Variants in SHTN1 observed in about 807,000 individuals in gnomAD.
The protein encoded by SHTN1 is shootin 1.
SHTN1 carries 42 observed loss-of-function variants against 83.1 expected under a neutral mutation model. The observed-to-expected ratio is 0.51, with a 90% CI of 0.39 to 0.65. The LOEUF (loss-of-function observed/expected upper bound fraction) is 0.65, where lower values mean the gene tolerates loss of function less well. Among genes scored for constraint, SHTN1 ranks in the 30% least tolerant of loss-of-function variants. SHTN1 has a pLI of 0.00. For synonymous variants in SHTN1, 224 were observed against 247.7 expected (o/e 0.90, Z 0.90); for missense variants, 622 against 737.8 (o/e 0.84, Z 1.82).
Position 117,033,162 on chromosome 10 carries a change from TTAG to T in SHTN1, c.-123+15280_-123+15282del, listed in dbSNP as rs537324600. Among the ~76,000 whole-genome samples, 112 of 151,568 alleles carry T rather than the reference TTAG, an allele frequency of 7.4e-4. 2 individuals carry two copies. In the South Asian group the frequency reaches 0.022, roughly 30 times the overall value. On this transcript the variant is annotated intron_variant, in intron 2 of 17. Transcript: ENST00000392901. Reference sequence around the variant, plus strand: ...AAGCAAGAGCAAACCAAACCCAAAATTAGTAGAAGAAAAGAAATAATAAAAACC... The same window carrying T: ...AAGCAAGAGCAAACCAAACCCAAAATTAGAAGAAAAGAAATAATAAAAACC...
intron 1 of SHTN1, among the ~76,000 whole-genome samples, chr10:117,104,784 C>A (rs1230818204): frequency 6.6e-6 from 1 of 151,984 alleles, no homozygotes; most frequent in Non-Finnish European, 1.5e-5. Flanking sequence ...AAAACAACAA[C>A]AACAAAAATT....
chr10:116,987,450 G>A (rs1044222846), intron 1 of SHTN1, among the ~76,000 whole-genome samples: 2 of 152,084 alleles, frequency 1.3e-5, no homozygotes, highest in African/African-American at 2.4e-5. Context: ...AACAGTATCC[G>A]GTGTTAAGAA....
At chr10:116,912,291 CTCAGCTCCA>C (rs1459836070) in intron 13 of SHTN1, among the ~76,000 whole-genome samples, 1 of 152,192 alleles carries the variant, frequency 6.6e-6, no homozygotes, top group African/African-American at 2.4e-5. Flanking sequence ...GAAAACCTCT[CTCAGCTCCA>C]CCAGCTATGG....
At chr10:116,985,551 G>A (rs1401042496) in intron 1 of SHTN1, among the ~76,000 whole-genome samples, 1 of 152,142 alleles carries the variant, frequency 6.6e-6, no homozygotes, top group Non-Finnish European at 1.5e-5. Context: ...GAAGAAGGAA[G>A]AATGGATCTA....
intron 13 of SHTN1, among the ~76,000 whole-genome samples, chr10:116,912,092 T>C (rs1848222087): frequency 6.6e-6 from 1 of 152,236 alleles, no homozygotes. Flanking sequence ...CTCTTCTAAA[T>C]ACCATATTGT....
chr10:117,121,248 T>C (rs902224117), intron 1 of SHTN1, among the ~76,000 whole-genome samples: 5 of 152,354 alleles, frequency 3.3e-5, no homozygotes, highest in African/African-American at 1.2e-4. Context: ...AATCTATATT[T>C]TGTGTACATT....
chr10:116,932,453 C>T (rs1849007331), intron 9 of SHTN1, among the ~76,000 whole-genome samples: 1 of 152,108 alleles, frequency 6.6e-6, no homozygotes, highest in South Asian at 2.1e-4. Flanking sequence ...AGTTTCATCC[C>T]AAAACCATCC....
At chr10:116,932,367 T>C (rs1294916855) in intron 9 of SHTN1, among the ~76,000 whole-genome samples, 2 of 152,138 alleles carry the variant, frequency 1.3e-5, no homozygotes, top group Non-Finnish European at 2.9e-5. Flanking sequence ...CGAACCCTAT[T>C]GTGAACTGCA....
intron 1 of SHTN1, among the ~76,000 whole-genome samples, chr10:117,123,339 C>T (rs1267938815): frequency 6.6e-6 from 1 of 152,154 alleles, no homozygotes; most frequent in Non-Finnish European, 1.5e-5. Flanking sequence ...TGTGACTAGA[C>T]AGGTAAATTC....
chr10:117,125,708 GA>G (rs1364496469), intron 1 of SHTN1, among the ~76,000 whole-genome samples: 2 of 152,060 alleles, frequency 1.3e-5, no homozygotes, highest in African/African-American at 4.8e-5. Context: ...CCCTGGTTAA[GA>G]ACCCAAATAC....
At chr10:116,968,560 G>T (rs921458564) in intron 3 of SHTN1, 92 bp downstream of exon 3, 20 of 859,842 alleles carry the variant, frequency 2.3e-5, no homozygotes, top group Non-Finnish European at 3.5e-5. Flanking sequence ...TGTATGACCA[G>T]GACATTAGCA....
chr10:117,038,876 T>C (rs1196897356), intron 2 of SHTN1, among the ~76,000 whole-genome samples: 1 of 152,218 alleles, frequency 6.6e-6, no homozygotes, highest in Non-Finnish European at 1.5e-5. Context: ...CAACAAGAAC[T>C]GTCATTCATT....
At chr10:116,960,444 T>G (rs190516169) in intron 3 of SHTN1, 157 of 429,228 alleles carry the variant, frequency 3.7e-4, no homozygotes, top group Middle Eastern at 3.5e-3. Context: ...AATACATTCA[T>G]TTCACATACA....
chr10:116,948,676 T>G (rs755070339), intron 7 of SHTN1, among the ~76,000 whole-genome samples: 4 of 152,152 alleles, frequency 2.6e-5, no homozygotes, highest in Non-Finnish European at 4.4e-5. Context: ...GTATTTCGGT[T>G]TGAAGTTTCA....
chr10:117,054,360 C>T (rs1373172948), intron 1 of SHTN1, among the ~76,000 whole-genome samples: 1 of 151,644 alleles, frequency 6.6e-6, no homozygotes, highest in African/African-American at 2.4e-5. Flanking sequence ...CTAAACAGGT[C>T]TGTTTCATCC....
intron 1 of SHTN1, among the ~76,000 whole-genome samples, chr10:117,114,694 C>T (rs1282563196): frequency 6.6e-6 from 1 of 152,138 alleles, no homozygotes; most frequent in Non-Finnish European, 1.5e-5. Flanking sequence ...TTAGAGCAGT[C>T]ACTTACTAAT....
At chr10:116,900,086 T>C (rs1847678213) in intron 16 of SHTN1, among the ~76,000 whole-genome samples, 1 of 152,264 alleles carries the variant, frequency 6.6e-6, no homozygotes, top group African/African-American at 2.4e-5. Context: ...AGTCTAATTA[T>C]ACTTAAGAAA....
chr10:117,005,453 C>G (rs1201831560), upstream of SHTN1: 10 of 1,046,968 alleles, frequency 9.6e-6, no homozygotes, highest in Non-Finnish European at 1.1e-5. Flanking sequence ...GCCTCCACCT[C>G]CCGGACTCAG....
intron 1 of SHTN1, among the ~76,000 whole-genome samples, chr10:116,997,586 G>C (rs984349760): frequency 6.6e-6 from 1 of 152,150 alleles, no homozygotes; most frequent in African/African-American, 2.4e-5. Context: ...CTCATGAGTC[G>C]ACTGGCTTTA....
Sources: gnomAD v4.1 joint callset for allele counts (sites outside exome capture counted in the v4.1 genomes callset) on GRCh38, gnomAD v4.1.1 for gene constraint, MANE v1.5 for transcripts, NCBI Gene and HGNC (gene_info 2026-07-23, HGNC 2026-07-21) for gene names.